The following BCAS3 variants were observed in gnomAD, a reference collection of about 807,000 sequenced individuals.
The protein encoded by BCAS3 is BCAS3 microtubule associated cell migration factor.
BCAS3 carries 53 observed loss-of-function variants against 116.1 expected under a neutral mutation model. The ratio of observed to expected loss-of-function variants is 0.46; its 90% confidence interval spans 0.37 to 0.57. The LOEUF (loss-of-function observed/expected upper bound fraction) is 0.57. Ranked by LOEUF, BCAS3 falls within the 20% of genes least tolerant of loss-of-function variation. The probability of loss-of-function intolerance (pLI) is 0.00; values close to 1 mark genes in which losing one functional copy is unlikely to be tolerated. For synonymous variants in BCAS3, 391 were observed against 408.2 expected (o/e 0.96, Z 0.51); for missense variants, 917 against 1,165.4 (o/e 0.79, Z 3.10).
At chr17:60,710,110 C>A (rs1159991535) in intron 5 of BCAS3, among the ~76,000 whole-genome samples, 1 of 152,162 alleles carries the variant, frequency 6.6e-6, no homozygotes, top group African/African-American at 2.4e-5. Flanking sequence ...AGCCACTGCA[C>A]CCAGCTGAGA....
chr17:60,744,446 C>T (rs2041863400), intron 5 of BCAS3, among the ~76,000 whole-genome samples: 1 of 152,020 alleles, frequency 6.6e-6, no homozygotes. Context: ...ACTAACCATC[C>T]TCTGTGTGTC....
intron 6 of BCAS3, among the ~76,000 whole-genome samples, chr17:60,797,382 A>AT (rs1425026437): frequency 6.6e-6 from 1 of 150,758 alleles, no homozygotes; most frequent in Non-Finnish European, 1.5e-5. Context: ...TTATTTATTT[A>AT]TTTTTTTGTG....
chr17:61,307,742 A>G lies in BCAS3; in HGVS notation c.2426-60585A>G, dbSNP rs1441004380. On this transcript the variant is annotated intron_variant, in intron 22 of 23. Coordinates refer to ENST00000407086, the MANE Select transcript of BCAS3 (RefSeq NM_017679.5). The surrounding 1 kb of genome is among the most constrained non-coding windows in gnomAD (Gnocchi z 4.7). ...GGTTACATTCCTGAGTAGGGTCTTA[A>G]TGGCCAGTTCAAGAAATAATCAAGT... Among the ~76,000 whole-genome samples, 1 of 152,242 alleles carries G rather than the reference A, an allele frequency of 6.6e-6. No individual in the cohort carries two copies. The highest frequency in any genetic ancestry group is 1.5e-5 in the Non-Finnish European group (1 of 68,040).
chr17:60,874,112 G>C (rs1394313288), intron 8 of BCAS3, among the ~76,000 whole-genome samples: 1 of 151,228 alleles, frequency 6.6e-6, no homozygotes, highest in Non-Finnish European at 1.5e-5. Context: ...TGTTGCCCAG[G>C]CTGGCGTGCA....
intron 22 of BCAS3, among the ~76,000 whole-genome samples, chr17:61,148,549 CAA>C (rs1037971281): frequency 1.3e-5 from 2 of 152,108 alleles, no homozygotes; most frequent in African/African-American, 4.8e-5. Flanking sequence ...TCCATTTAGT[CAA>C]AAGAGACAGG....
At chr17:61,197,181 A>G (rs2080530710) in intron 22 of BCAS3, among the ~76,000 whole-genome samples, 2 of 152,216 alleles carry the variant, frequency 1.3e-5, no homozygotes, top group South Asian at 4.1e-4. Flanking sequence ...ATGACTTTCA[A>G]ACTCTTCCAA....
intron 6 of BCAS3, among the ~76,000 whole-genome samples, chr17:60,783,213 T>G (rs1181591842): frequency 6.6e-6 from 1 of 152,154 alleles, no homozygotes; most frequent in Admixed American, 6.5e-5. Context: ...GTTTATTTAT[T>G]TACTTATTTT....
At chr17:60,814,415 C>G (rs2049177088) in intron 7 of BCAS3, among the ~76,000 whole-genome samples, 1 of 151,286 alleles carries the variant, frequency 6.6e-6, no homozygotes. Flanking sequence ...TTTTTTTTAT[C>G]CTGAAACTTA....
rs997391597 is a variant in BCAS3 at position 61,208,206 on chromosome 17, C to G, written c.2425+123642C>G. ...GACTAGTAACTTCCTATTCCACTTT[C>G]CTGGGCTTGGTATTTTAGTTATTGT... On this transcript the variant is annotated intron_variant, in intron 22 of 23. Transcript: ENST00000407086. This position sits in a 1 kb window ranked among gnomAD's most constrained non-coding sequence, Gnocchi z 4.5. Among the ~76,000 whole-genome samples, 1 of 152,102 alleles carries G rather than the reference C, an allele frequency of 6.6e-6. No homozygotes were observed. Among genetic ancestry groups the G allele is most frequent in the Admixed American group, 6.6e-5 (1 of 15,256 alleles).
intron 5 of BCAS3, among the ~76,000 whole-genome samples, chr17:60,723,123 C>T (rs529735823): frequency 6.8e-4 from 103 of 152,266 alleles, no homozygotes; most frequent in African/African-American, 2.0e-3. Flanking sequence ...ATTCCTGTTA[C>T]TCATTGTGGA....
intron 23 of BCAS3, chr17:61,389,381 G>A: frequency 6.5e-6 from 1 of 152,836 alleles, no homozygotes; most frequent in Non-Finnish European, 1.5e-5. Context: ...GGCAGGTCAT[G>A]GAGGGCCATT....
chr17:60,818,873 T>C (rs1361799476), intron 7 of BCAS3, among the ~76,000 whole-genome samples: 1 of 151,964 alleles, frequency 6.6e-6, no homozygotes, highest in Non-Finnish European at 1.5e-5. Flanking sequence ...ATAGAGACGT[T>C]TTTAATGGGA....
At chr17:60,999,565 GA>G (rs1568080929) in intron 15 of BCAS3, among the ~76,000 whole-genome samples, 4 of 144,020 alleles carry the variant, frequency 2.8e-5, no homozygotes, top group African/African-American at 1.1e-4. Flanking sequence ...AAAAAAAAAA[GA>G]AAAAGAAAAA....
chr17:60,974,408 T>C (rs913005818), intron 14 of BCAS3, among the ~76,000 whole-genome samples: 1 of 152,214 alleles, frequency 6.6e-6, no homozygotes, highest in Non-Finnish European at 1.5e-5. Context: ...AAACACTCTT[T>C]AGAAATTTTA....
intron 14 of BCAS3, among the ~76,000 whole-genome samples, chr17:60,984,808 G>T (rs2063026115): frequency 6.6e-6 from 1 of 151,922 alleles, no homozygotes; most frequent in Non-Finnish European, 1.5e-5. Context: ...TCAGGAGTTT[G>T]AGACCAGCCT....
intron 22 of BCAS3, among the ~76,000 whole-genome samples, chr17:61,322,806 G>GAGAGAGAGAGAGAGAGAGAC (rs2055352881): frequency 2.3e-5 from 3 of 130,840 alleles, no homozygotes; most frequent in Non-Finnish European, 3.3e-5. Flanking sequence ...GAGAGAGAGA[G>GAGAGAGAGAGAGAGAGAGAC]AGAGAGAGAG....
rs2057697656 is a variant in BCAS3, at chr17:61,349,424, G to T, written c.2426-18903G>T. 6.6e-6 allele frequency among the ~76,000 whole-genome samples: 1 copy of T among 152,156 alleles called. No individual in the cohort carries two copies. Among genetic ancestry groups the T allele is most frequent in the Non-Finnish European group, 1.5e-5 (1 of 68,034 alleles). On this transcript the variant is annotated intron_variant, in intron 22 of 23. Coordinates refer to ENST00000407086, the MANE Select transcript of BCAS3 (RefSeq NM_017679.5). The surrounding 1 kb of genome is among the most constrained non-coding windows in gnomAD (Gnocchi z 4.7). The stretch of plus-strand genomic sequence containing the variant: ...GAAATGCTAACCCACTGACCGAACA[G>T]AGTTTCTGAACAACTGAGTGGGAAA...
At chr17:60,701,249 AAAAT>A (rs146576755) in intron 4 of BCAS3, among the ~76,000 whole-genome samples, 6,983 of 152,116 alleles carry the variant, frequency 0.046, 557 homozygotes, top group African/African-American at 0.16. Context: ...CTCCAAAAAA[AAAAT>A]AAATAAATAA....
At chr17:61,059,545 C>T (rs1386968233) in intron 19 of BCAS3, among the ~76,000 whole-genome samples, 1 of 152,126 alleles carries the variant, frequency 6.6e-6, no homozygotes, top group Non-Finnish European at 1.5e-5. Flanking sequence ...AGAATGAATA[C>T]CCTTCTTCCG....
Sources: gnomAD v4.1 joint callset for allele counts (sites outside exome capture counted in the v4.1 genomes callset) on GRCh38, gnomAD v4.1.1 for gene constraint, Gnocchi (gnomAD v3.1) non-coding constraint, MANE v1.5 for transcripts, NCBI Gene and HGNC (gene_info 2026-07-23, HGNC 2026-07-21) for gene names.